The following MYO5B variants were observed in gnomAD, a reference collection of about 807,000 sequenced individuals.
MYO5B encodes the protein myosin VB.
A neutral mutation model predicts 229.3 loss-of-function variants in MYO5B; 143 were observed. That is an observed-to-expected ratio of 0.62 (90% CI 0.54 to 0.72). MYO5B has a LOEUF of 0.72. MYO5B is among the 30% of genes least tolerant of loss of function. The pLI, the probability that MYO5B is intolerant of heterozygous loss-of-function variation, is 0.00. For missense variants in MYO5B, 2,321 were observed against 2,331.0 expected, an observed-to-expected ratio of 1.00 and a Z score of 0.09; for synonymous variants, 918 against 885.2, an observed-to-expected ratio of 1.04 and a Z score of -0.66.
At chr18:50,192,130 G>A (rs1367863294) in intron 1 of MYO5B, among the ~76,000 whole-genome samples, 4 of 152,016 alleles carry the variant, frequency 2.6e-5, no homozygotes, top group East Asian at 3.8e-4. Flanking sequence ...GCTGACAATG[G>A]TAGAAACAAT....
At chr18:49,847,987 G>C (rs998433591) in intron 32 of MYO5B, among the ~76,000 whole-genome samples, 5 of 152,242 alleles carry the variant, frequency 3.3e-5, no homozygotes, top group Non-Finnish European at 7.3e-5. Flanking sequence ...AAGGTATAAA[G>C]GCCTGGTCAA....
intron 1 of MYO5B, among the ~76,000 whole-genome samples, chr18:50,107,268 A>T (rs767169084): frequency 6.6e-6 from 1 of 151,876 alleles, no homozygotes; most frequent in African/African-American, 2.4e-5. Context: ...TTGGGACTAC[A>T]GGCATGCGTC....
intron 12 of MYO5B, among the ~76,000 whole-genome samples, chr18:49,956,245 T>G (rs2025491254): frequency 6.6e-6 from 1 of 152,244 alleles, no homozygotes; most frequent in South Asian, 2.1e-4. Context: ...CCAGGCCATT[T>G]TCTACACATT....
At chr18:49,886,357 T>A (rs1228434596) in intron 22 of MYO5B, among the ~76,000 whole-genome samples, 1 of 152,188 alleles carries the variant, frequency 6.6e-6, no homozygotes, top group African/African-American at 2.4e-5. Context: ...TGGGCTTCCA[T>A]GAGTTACAAG....
intron 29 of MYO5B, 36 bp downstream of exon 29, chr18:49,863,191 G>T: frequency 6.5e-7 from 1 of 1,544,370 alleles, no homozygotes; most frequent in South Asian, 1.1e-5. Flanking sequence ...CCTTCTCCGC[G>T]GCCTCGTCCA....
At chr18:49,878,458 A>C (rs2024551074) in intron 24 of MYO5B, among the ~76,000 whole-genome samples, 1 of 151,884 alleles carries the variant, frequency 6.6e-6, no homozygotes, top group Admixed American at 6.6e-5. Context: ...AACTTACTCC[A>C]TCTTGTTTGA....
At chr18:50,027,107 T>C (rs1180579387) in intron 4 of MYO5B, among the ~76,000 whole-genome samples, 14 of 152,236 alleles carry the variant, frequency 9.2e-5, no homozygotes, top group Admixed American at 9.2e-4. Context: ...TAACACAGCA[T>C]GAACGGCATT....
intron 4 of MYO5B, among the ~76,000 whole-genome samples, chr18:50,018,961 G>GATCTATTCCCCAGTCTACATGA (rs2026245688): frequency 6.6e-6 from 1 of 152,194 alleles, no homozygotes; most frequent in Non-Finnish European, 1.5e-5. Flanking sequence ...CTGGGATGAA[G>GATCTATTCCCCAGTCTACATGA]ATCTATTCCC....
intron 3 of MYO5B, among the ~76,000 whole-genome samples, chr18:50,038,059 A>G (rs1455404702): frequency 2.6e-5 from 4 of 152,234 alleles, no homozygotes; most frequent in African/African-American, 9.6e-5. Flanking sequence ...GCAACCAGGA[A>G]ATGCTATAAA....
Position 50,133,593 on chromosome 18 carries a change from C to CGTCT in MYO5B, c.27+61170_27+61173dup, listed in dbSNP as rs1039726507. Reference sequence around the variant, plus strand: ...AAATCCCTCCATCCCTCCGTCCGTCCGTCTGTCTGTCTGTCCCCCCACTGC... The same window carrying CGTCT: ...AAATCCCTCCATCCCTCCGTCCGTCCGTCTGTCTGTCTGTCTGTCCCCCCACTGC... On this transcript the variant is annotated intron_variant, in intron 1 of 39. Transcript: ENST00000285039. Among the ~76,000 whole-genome samples the CGTCT allele has an allele frequency of 1.2e-4, 18 of 152,212 alleles. No individual in the cohort carries two copies. In the South Asian group the frequency reaches 3.3e-3, roughly 28 times the overall value.
rs2852103 is a variant in MYO5B, at chr18:50,062,302, A to T, written c.28-6924T>A. On this transcript the variant is annotated intron_variant, in intron 1 of 39. Coordinates refer to ENST00000285039, the MANE Select transcript of MYO5B (RefSeq NM_001080467.3). ...ACCGGAAGCAGGGCAGTCTGGGCAG[A>T]GTTCCCTGGGAATGGACAAGGGATC... Among the ~76,000 whole-genome samples, 71 of 151,806 alleles carry T rather than the reference A, an allele frequency of 4.7e-4. 1 individual carries two copies. The East Asian group carries it at 9.7e-3, about 21-fold the overall frequency.
chr18:49,936,361 A>G lies in MYO5B; in HGVS notation c.1906-12T>C. The G allele has an allele frequency of 6.4e-7, 1 of 1,569,028 alleles. No homozygotes were observed. Among genetic ancestry groups the G allele is most frequent in the Non-Finnish European group, 8.7e-7 (1 of 1,150,884 alleles). ...AGGGAGGTACGGAACTAGAGAGACAAAAGCCAGTGCTTGGTTAGTTTTAAC... is the reference window on the plus strand; with the variant it reads ...AGGGAGGTACGGAACTAGAGAGACAGAAGCCAGTGCTTGGTTAGTTTTAAC... On this transcript the variant is annotated splice_polypyrimidine_tract_variant and intron_variant, in intron 15 of 39. Transcript: ENST00000285039.
At chr18:49,898,543 A>T (rs773064928) in intron 21 of MYO5B, among the ~76,000 whole-genome samples, 1 of 152,172 alleles carries the variant, frequency 6.6e-6, no homozygotes, top group Non-Finnish European at 1.5e-5. Context: ...TATCCCAGGG[A>T]CACTGCAAGA....
At chr18:50,001,894 G>C (rs1171442742) in intron 4 of MYO5B, among the ~76,000 whole-genome samples, 2 of 152,066 alleles carry the variant, frequency 1.3e-5, no homozygotes, top group African/African-American at 4.8e-5. Flanking sequence ...AAATTAGCTG[G>C]GTATGGTGGC....
At chr18:49,898,541 G>A (rs2024806418) in intron 21 of MYO5B, among the ~76,000 whole-genome samples, 1 of 152,054 alleles carries the variant, frequency 6.6e-6, no homozygotes, top group African/African-American at 2.4e-5. Flanking sequence ...CCTATCCCAG[G>A]GACACTGCAA....
At chr18:49,973,109 A>C (rs920066055) in intron 10 of MYO5B, among the ~76,000 whole-genome samples, 1 of 152,120 alleles carries the variant, frequency 6.6e-6, no homozygotes, top group African/African-American at 2.4e-5. Flanking sequence ...CGAAGCATCC[A>C]AACCCTCAAA....
chr18:50,014,688 T>C (rs1461052068), intron 4 of MYO5B, among the ~76,000 whole-genome samples: 1 of 152,210 alleles, frequency 6.6e-6, no homozygotes, highest in Non-Finnish European at 1.5e-5. Context: ...GGACAGCTGC[T>C]ATTTTACATG....
intron 5 of MYO5B, among the ~76,000 whole-genome samples, chr18:49,995,318 G>A (rs1057414427): frequency 1.4e-5 from 2 of 140,630 alleles, no homozygotes; most frequent in Non-Finnish European, 3.1e-5. Flanking sequence ...GCAATGGTGT[G>A]ATCTCGGCTC....
At chr18:50,005,510 A>G (rs1242869578) in intron 4 of MYO5B, among the ~76,000 whole-genome samples, 2 of 152,222 alleles carry the variant, frequency 1.3e-5, no homozygotes, top group African/African-American at 4.8e-5. Context: ...TCCTGGGCTC[A>G]GGCGATCCCC....
Sources: allele counts gnomAD v4.1 joint callset (sites outside exome capture counted in the v4.1 genomes callset), GRCh38; gene constraint gnomAD v4.1.1; transcripts MANE v1.5; gene names NCBI Gene and HGNC (gene_info 2026-07-23, HGNC 2026-07-21).